BTC: variants seen among roughly 807,000 people sequenced by gnomAD.
BTC encodes the protein probetacellulin.
Under a neutral mutation model 18.1 loss-of-function variants are expected in BTC, and 13 were observed. The ratio of observed to expected loss-of-function variants is 0.72; its 90% CI spans 0.47 to 1.14. The LOEUF (loss-of-function observed/expected upper bound fraction) is 1.14, where lower values mean the gene tolerates loss of function less well. Ranked by LOEUF, BTC falls within the 50% of genes most tolerant of loss-of-function variation. BTC has a pLI of 0.00. For synonymous variants in BTC, 83 were observed against 79.4 expected (o/e 1.05, Z -0.24); for missense variants, 247 against 224.2 (o/e 1.10, Z -0.65).
At chr4:74,764,013 A>T (rs1045132240) in intron 2 of BTC, among the ~76,000 whole-genome samples, 1 of 151,738 alleles carries the variant, frequency 6.6e-6, no homozygotes, top group African/African-American at 2.4e-5. Context: ...ATAATAATAA[A>T]TTTTAAAGAA....
intron 4 of BTC, among the ~76,000 whole-genome samples, chr4:74,749,678 A>ATTTTT (rs1560708204): frequency 6.6e-5 from 6 of 90,584 alleles, no homozygotes; most frequent in South Asian, 3.7e-4. Context: ...TTAATAAGAT[A>ATTTTT]GTTTTTTTTG....
At chr4:74,763,992 A>C (rs1724834011) in intron 2 of BTC, among the ~76,000 whole-genome samples, 1 of 151,098 alleles carries the variant, frequency 6.6e-6, no homozygotes, top group South Asian at 2.1e-4. Context: ...TTATTGTGTT[A>C]ATTAAAAATA....
chr4:74,749,745 CAA>C (rs71220725), intron 4 of BTC, among the ~76,000 whole-genome samples: 8 of 54,902 alleles, frequency 1.5e-4, no homozygotes, highest in Non-Finnish European at 2.0e-4. Context: ...TCCTGCTCTG[CAA>C]AAAAAAAAAA....
At chr4:74,777,028 A>C (rs1725192752) in intron 1 of BTC, among the ~76,000 whole-genome samples, 1 of 152,190 alleles carries the variant, frequency 6.6e-6, no homozygotes. Flanking sequence ...ATAAGCAGAA[A>C]TTAGAAGAAT....
chr4:74,756,011 T>A (rs1553956683), intron 2 of BTC, 35 bp from the exon 3 acceptor site: 1 of 1,466,716 alleles, frequency 6.8e-7, no homozygotes, highest in South Asian at 1.1e-5. Flanking sequence ...AAATCAACTC[T>A]CTTTAAATAT....
chr4:74,745,603 G>A lies in BTC; in HGVS notation c.*1074C>T, dbSNP rs1724268553. 1 of 152,046 alleles carries A rather than the reference G, an allele frequency of 6.6e-6. No individual in the cohort carries two copies. The highest frequency in any genetic ancestry group is 1.5e-5 in the Non-Finnish European group (1 of 68,028). The allele number at this position is 152,046 out of a possible 1,614,324, so 9.4% of individuals were successfully genotyped here. A position where few individuals can be genotyped will look rare whatever the true frequency, so the allele number is the denominator to read the frequency against. On this transcript the variant is annotated 3_prime_UTR_variant, in exon 6 of 6. Transcript: ENST00000395743. ...GATGGTCCCAAGTAATAGATGTTAT[G>A]GTCATGAATTTACTGCATCAAAATT... is the stretch of plus-strand genomic sequence containing the variant.
intron 2 of BTC, among the ~76,000 whole-genome samples, chr4:74,766,549 C>T (rs1724908144): frequency 6.6e-6 from 1 of 152,012 alleles, no homozygotes; most frequent in Admixed American, 6.6e-5. Flanking sequence ...AACAACCAAT[C>T]ATGATTGAAT....
At chr4:74,794,234 GT>G in intron 1 of BTC, 27 bp downstream of exon 1, 1 of 1,549,980 alleles carries the variant, frequency 6.5e-7, no homozygotes, top group Non-Finnish European at 8.7e-7. Context: ...TTTCCTCCTG[GT>G]TTCCAGTGCC....
intron 1 of BTC, among the ~76,000 whole-genome samples, chr4:74,782,971 T>G (rs1291606225): frequency 6.6e-6 from 1 of 152,226 alleles, no homozygotes; most frequent in Non-Finnish European, 1.5e-5. Flanking sequence ...GTAAATTTGC[T>G]TAAGTTCCTT....
At chr4:74,787,100 A>T (rs1282350630) in intron 1 of BTC, among the ~76,000 whole-genome samples, 1 of 143,010 alleles carries the variant, frequency 7.0e-6, no homozygotes, top group Non-Finnish European at 1.5e-5. Context: ...CTCCTTATGC[A>T]ACTCTTCAAA....
At chr4:74,779,110 AACT>A (rs1390041237) in intron 1 of BTC, among the ~76,000 whole-genome samples, 15 of 143,668 alleles carry the variant, frequency 1.0e-4, no homozygotes, top group African/African-American at 4.4e-4. Flanking sequence ...ATAAAATATG[AACT>A]CCTTCTTCCT....
chr4:74,768,875 T>C (rs147727157), intron 2 of BTC, among the ~76,000 whole-genome samples: 419 of 152,266 alleles, frequency 2.8e-3, no homozygotes, highest in African/African-American at 9.4e-3. Context: ...ATTGAAGACA[T>C]TTGAAACCAG....
At chr4:74,760,378 G>A (rs1553957169) in intron 2 of BTC, among the ~76,000 whole-genome samples, 1 of 152,180 alleles carries the variant, frequency 6.6e-6, no homozygotes, top group East Asian at 1.9e-4. Context: ...CTAGGGCTTT[G>A]TTATTTTACT....
intron 4 of BTC, 65 bp downstream of exon 4, chr4:74,750,508 G>C (rs914387619): frequency 1.1e-5 from 16 of 1,484,880 alleles, no homozygotes; most frequent in Admixed American, 9.5e-5. Flanking sequence ...AGGAAGAAAA[G>C]AAGAAAAACT....
chr4:74,784,911 T>C (rs147254237), intron 1 of BTC, among the ~76,000 whole-genome samples: 54 of 152,172 alleles, frequency 3.5e-4, no homozygotes, highest in African/African-American at 1.3e-3. Flanking sequence ...CTCTGCCAGG[T>C]TTTGGTATCA....
chr4:74,757,157 G>A (rs1171314641), intron 2 of BTC, among the ~76,000 whole-genome samples: 2 of 152,064 alleles, frequency 1.3e-5, no homozygotes, highest in Non-Finnish European at 2.9e-5. Flanking sequence ...ATGGCACCTG[G>A]CATCCCAATG....
intron 1 of BTC, among the ~76,000 whole-genome samples, chr4:74,773,020 G>C (rs1487874246): frequency 1.3e-5 from 2 of 152,136 alleles, no homozygotes; most frequent in African/African-American, 4.8e-5. Flanking sequence ...CAGAGTACTG[G>C]GGCGGAGGTA....
At chr4:74,785,267 G>T (rs529364358) in intron 1 of BTC, among the ~76,000 whole-genome samples, 2 of 152,170 alleles carry the variant, frequency 1.3e-5, no homozygotes, top group African/African-American at 4.8e-5. Flanking sequence ...GGTCAGTGGT[G>T]ATATCCCCCT....
In BTC at chr4:74,773,606, T is replaced by C. The variant is rs911532245; in HGVS notation, c.65-3450A>G. Among the ~76,000 whole-genome samples the C allele has an allele frequency of 8.3e-5, 12 of 143,864 alleles. No individual in the cohort carries two copies. In the East Asian group the frequency reaches 1.6e-3, roughly 19 times the overall value. The allele number at this position is 143,864 out of a possible 152,430, so 94.4% of individuals were successfully genotyped here. A position where few individuals can be genotyped will look rare whatever the true frequency, so the allele number is the denominator to read the frequency against. ...TTAAGGAGATCACATTCTGGTAAGATAGACACAAACTTTTTTTTTTTTTTA... is the reference window on the plus strand; with the variant it reads ...TTAAGGAGATCACATTCTGGTAAGACAGACACAAACTTTTTTTTTTTTTTA... On this transcript the variant is annotated intron_variant, in intron 1 of 5. Coordinates refer to ENST00000395743, the MANE Select transcript of BTC (RefSeq NM_001729.4).
Sources: allele counts gnomAD v4.1 joint callset (sites outside exome capture counted in the v4.1 genomes callset), GRCh38; gene constraint gnomAD v4.1.1; transcripts MANE v1.5; gene names NCBI Gene and HGNC (gene_info 2026-07-23, HGNC 2026-07-21).